Variants in PPP2R5C observed in about 807,000 individuals in gnomAD.
The protein encoded by PPP2R5C is serine/threonine-protein phosphatase 2A 56 kDa regulatory subunit gamma isoform.
PPP2R5C carries 7 observed loss-of-function variants against 68.9 expected under a neutral mutation model. The ratio of observed to expected loss-of-function variants is 0.10; its 90% confidence interval spans 0.06 to 0.19. PPP2R5C has a LOEUF of 0.19. Among genes scored for constraint, PPP2R5C ranks in the 10% least tolerant of loss-of-function variants. The pLI, the probability that PPP2R5C is intolerant of heterozygous loss-of-function variation, is 1.00. For missense variants in PPP2R5C, 348 were observed against 641.3 expected (o/e 0.54, Z 4.94); for synonymous variants, 210 against 222.2 (o/e 0.95, Z 0.49).
intron 1 of PPP2R5C, among the ~76,000 whole-genome samples, chr14:101,821,695 C>T (rs532966597): frequency 4.8e-4 from 73 of 151,784 alleles, no homozygotes; most frequent in African/African-American, 1.5e-3. Flanking sequence ...ACATACGTTA[C>T]GTAAATGCTT....
chr14:101,771,916 A>AT (rs2037169604), intron 2 of PPP2R5C, among the ~76,000 whole-genome samples: 1 of 152,186 alleles, frequency 6.6e-6, no homozygotes, highest in Non-Finnish European at 1.5e-5. Context: ...TTAAATTTAA[A>AT]TTTAAATTAA....
At chr14:101,880,158 A>G (rs148206496) in intron 2 of PPP2R5C, among the ~76,000 whole-genome samples, 1 of 152,316 alleles carries the variant, frequency 6.6e-6, no homozygotes, top group African/African-American at 2.4e-5. Flanking sequence ...GAGAGTAGAC[A>G]TTGCCAGAAA....
Position 101,797,197 on chromosome 14 carries a change from A to T in PPP2R5C, c.259+11014A>T. On this transcript the variant is annotated intron_variant, in intron 3 of 14. Coordinates refer to the PPP2R5C transcript ENST00000328724. This position sits in a 1 kb window ranked among gnomAD's most constrained non-coding sequence, Gnocchi z 4.2. ...CTGTGCCTGGCTTATTTCCCTAAAC[A>T]TAATATCTTCCAGGTCCCCCCACAT... 3 of 455,632 alleles carry T rather than the reference A, an allele frequency of 6.6e-6. No homozygotes were observed. Among genetic ancestry groups the T allele is most frequent in the Non-Finnish European group, 1.3e-5 (3 of 226,460 alleles). The allele number at this position is 455,632 out of a possible 1,614,324, so 28.2% of individuals were successfully genotyped here.
chr14:101,859,296 T>A (rs2042616646), intron 2 of PPP2R5C, among the ~76,000 whole-genome samples: 1 of 152,214 alleles, frequency 6.6e-6, no homozygotes, highest in South Asian at 2.1e-4. Flanking sequence ...GTAATCCAGA[T>A]GAAATAGATA....
chr14:101,840,585 A>C (rs1035549187), intron 1 of PPP2R5C, among the ~76,000 whole-genome samples: 7 of 151,140 alleles, frequency 4.6e-5, no homozygotes, highest in Non-Finnish European at 1.0e-4. Flanking sequence ...TATGCCACAG[A>C]TTGATAATAC....
chr14:101,926,946 A>C (rs1281533098), exon 14 of PPP2R5C: 1 of 152,158 alleles, frequency 6.6e-6, no homozygotes, highest in African/African-American at 2.4e-5. Flanking sequence ...TGTGAGATGA[A>C]TACTTCCTGA....
intron 6 of PPP2R5C, 69 bp downstream of exon 8, chr14:101,890,365 G>A: frequency 7.0e-7 from 1 of 1,431,362 alleles, no homozygotes; most frequent in Non-Finnish European, 9.7e-7. Flanking sequence ...ATTTCATTGA[G>A]TCCAGCTGCC....
chr14:101,787,572 G>A (rs1049819707), intron 3 of PPP2R5C, among the ~76,000 whole-genome samples: 5 of 147,408 alleles, frequency 3.4e-5, no homozygotes, highest in Non-Finnish European at 7.4e-5. Context: ...GACCATCCTG[G>A]CTAACATGGT....
intron 13 of PPP2R5C, among the ~76,000 whole-genome samples, chr14:101,921,738 G>A (rs2047016976): frequency 6.6e-6 from 1 of 152,120 alleles, no homozygotes; most frequent in Non-Finnish European, 1.5e-5. Context: ...TGTTGGGTAG[G>A]GAGAGGTGTG....
chr14:101,915,818 A>C lies in PPP2R5C; in HGVS notation c.1327-2013A>C, dbSNP rs1188087969. Among the ~76,000 whole-genome samples the C allele has an allele frequency of 2.0e-5, 3 of 152,182 alleles. No homozygotes were observed. The East Asian group carries it at 5.8e-4, about 29-fold the overall frequency. Reference sequence around the variant, plus strand: ...CTCAGATGATCAGATTGTATTAATAACATACCTGGGGGAGTGTGCTGGAGA... The same window carrying C: ...CTCAGATGATCAGATTGTATTAATACCATACCTGGGGGAGTGTGCTGGAGA... On this transcript the variant is annotated intron_variant, in intron 12 of 13. Coordinates refer to ENST00000334743, the Ensembl canonical transcript of PPP2R5C. The surrounding 1 kb of genome is among the most constrained non-coding windows in gnomAD (Gnocchi z 4.2).
intron 1 of PPP2R5C, among the ~76,000 whole-genome samples, chr14:101,827,590 A>G (rs902503643): frequency 1.3e-5 from 2 of 152,170 alleles, no homozygotes; most frequent in African/African-American, 2.4e-5. Context: ...CGAAGCTTCT[A>G]CCATTTTCTG....
chr14:101,763,564 T>G (rs774756812), intron 2 of PPP2R5C, among the ~76,000 whole-genome samples: 6 of 152,012 alleles, frequency 3.9e-5, no homozygotes, highest in Non-Finnish European at 7.4e-5. Context: ...TGTATTTTTA[T>G]TAGAGACGGG....
chr14:101,923,567 G>A (rs972571031), intron 13 of PPP2R5C, among the ~76,000 whole-genome samples: 1 of 152,190 alleles, frequency 6.6e-6, no homozygotes, highest in Non-Finnish European at 1.5e-5. Context: ...TGAGGGGACC[G>A]TGACCTTCAC....
At chr14:101,778,069 C>T (rs553321026) in intron 2 of PPP2R5C, among the ~76,000 whole-genome samples, 16 of 152,308 alleles carry the variant, frequency 1.1e-4, no homozygotes, top group African/African-American at 3.8e-4. Flanking sequence ...GGTGCCTGGC[C>T]ATGCTAACAA....
At chr14:101,764,392 T>C (rs890471860) in intron 2 of PPP2R5C, among the ~76,000 whole-genome samples, 10 of 152,318 alleles carry the variant, frequency 6.6e-5, no homozygotes, top group Non-Finnish European at 2.9e-5. Context: ...TGACGTTTAT[T>C]TGCCAGTGTC....
chr14:101,801,844 A>G (rs1001424427), intron 3 of PPP2R5C, among the ~76,000 whole-genome samples: 1 of 152,242 alleles, frequency 6.6e-6, no homozygotes. Context: ...GTTTCATCCT[A>G]AGATTCATAG....
At chr14:101,777,799 G>T (rs991818484) in intron 2 of PPP2R5C, among the ~76,000 whole-genome samples, 2 of 152,218 alleles carry the variant, frequency 1.3e-5, no homozygotes, top group African/African-American at 4.8e-5. Flanking sequence ...TTGAGACAGG[G>T]TCTCATTCTG....
At chr14:101,778,674 G>C (rs984630425) in intron 2 of PPP2R5C, among the ~76,000 whole-genome samples, 5 of 152,164 alleles carry the variant, frequency 3.3e-5, no homozygotes, top group African/African-American at 1.2e-4. Flanking sequence ...TTTCCCTGGT[G>C]AATGGGCTTG....
At chr14:101,786,275 G>T in intron 3 of PPP2R5C, 92 bp downstream of exon 3, 12 of 1,171,108 alleles carry the variant, frequency 1.0e-5, no homozygotes, top group South Asian at 4.1e-5. Flanking sequence ...CCTTTGCTGT[G>T]TTTGTATTTT....
Sources: allele counts gnomAD v4.1 joint callset (sites outside exome capture counted in the v4.1 genomes callset), GRCh38; gene constraint gnomAD v4.1.1; non-coding constraint Gnocchi (gnomAD v3.1); transcripts MANE v1.5; gene names NCBI Gene and HGNC (gene_info 2026-07-23, HGNC 2026-07-21).